Variants in ZNF143 observed in about 807,000 individuals in gnomAD.
ZNF143 encodes SPH-binding factor.
In ZNF143, 49 loss-of-function variants were observed where a neutral mutation model predicts 74.1. That is an observed-to-expected ratio of 0.66 (90% CI 0.53 to 0.84). The LOEUF (loss-of-function observed/expected upper bound fraction) is 0.84, where lower values mean the gene tolerates loss of function less well. ZNF143 is among the 40% of genes least tolerant of loss of function. ZNF143 has a pLI of 0.00. For missense variants in ZNF143, 637 were observed against 793.4 expected (o/e 0.80, Z 2.37); for synonymous variants, 304 against 282.8 (o/e 1.07, Z -0.75).
chr11:9,496,149 A>G (rs1189641071), intron 8 of ZNF143, among the ~76,000 whole-genome samples, 154 bp from the exon 9 acceptor site: 4 of 152,220 alleles, frequency 2.6e-5, no homozygotes, highest in African/African-American at 9.6e-5. Context: ...ATTGAGAACT[A>G]TTGGGCTATC....
At chr11:9,473,464 G>A (rs1344589547) in intron 3 of ZNF143, among the ~76,000 whole-genome samples, 1 of 151,750 alleles carries the variant, frequency 6.6e-6, no homozygotes, top group Admixed American at 6.6e-5. Flanking sequence ...CTTTGCTCCA[G>A]GAAACAGCCA....
At chr11:9,494,605 C>G in intron 7 of ZNF143, 41 bp from the exon 8 acceptor site, 1 of 1,590,094 alleles carries the variant, frequency 6.3e-7, no homozygotes, top group Non-Finnish European at 8.6e-7. Flanking sequence ...GCCACTGTGC[C>G]TGGCTTAAGT....
At chr11:9,479,414 C>G in intron 6 of ZNF143, 58 bp from the exon 7 acceptor site, 1 of 1,422,858 alleles carries the variant, frequency 7.0e-7, no homozygotes, top group Non-Finnish European at 9.6e-7. Flanking sequence ...ATGTACTTAA[C>G]CAGCCTAAAC....
Position 9,474,569 on chromosome 11 carries a change from A to G in ZNF143, c.309A>G (p.Leu103=). The G allele has an allele frequency of 1.2e-6, 2 of 1,614,172 alleles. No individual in the cohort carries two copies. The highest frequency in any genetic ancestry group is 1.7e-6 in the Non-Finnish European group (2 of 1,180,022). ...IPKSTGDSLR[L]EDGQAVQLED... ...CTTGAGCAGGGGACAGTTTGCGTCT[A>G]GAGGATGGTCAAGCAGTACAGTTAG... Residue 103 remains leucine (L), a synonymous_variant, in exon 5 of 16, where the codon CTA becomes CTG. Coordinates refer to ENST00000396602, the MANE Select transcript of ZNF143 (RefSeq NM_003442.6).
intron 1 of ZNF143, 81 bp downstream of exon 1, chr11:9,461,157 C>G (rs1282101549): frequency 9.0e-6 from 8 of 886,302 alleles, no homozygotes; most frequent in African/African-American, 3.6e-5. Flanking sequence ...CGCGGGCCCG[C>G]TTGGGCCCGG....
intron 10 of ZNF143, 41 bp from the exon 11 acceptor site, chr11:9,501,050 T>A: frequency 1.2e-6 from 2 of 1,607,030 alleles, no homozygotes; most frequent in Non-Finnish European, 1.7e-6. Flanking sequence ...ATCCTCTATA[T>A]ATTTTTGCAC....
At chr11:9,508,902 A>G in intron 12 of ZNF143, 56 bp downstream of exon 12, 1 of 1,495,240 alleles carries the variant, frequency 6.7e-7, no homozygotes. Context: ...ACAGTTATGA[A>G]CATAATTTAT....
In ZNF143 at chr11:9,474,751, A is replaced by G. The variant is rs148912839; in HGVS notation, c.373+118A>G. The G allele has an allele frequency of 4.1e-5, 44 of 1,081,456 alleles. No homozygotes were observed. The East Asian group carries it at 4.6e-4, about 11-fold the overall frequency. The allele number at this position is 1,081,456 out of a possible 1,614,324, so 67.0% of individuals were successfully genotyped here. On this transcript the variant is annotated intron_variant, in intron 5 of 15. Coordinates refer to ENST00000396602, the MANE Select transcript of ZNF143 (RefSeq NM_003442.6). ...GGGAAAGAATTGTATTTATTCATTA[A>G]AGTACAAGGTGGCAGATTTAAGCAT...
chr11:9,512,743 G>C, intron 13 of ZNF143, 147 bp downstream of exon 13: 7 of 843,338 alleles, frequency 8.3e-6, no homozygotes, highest in Non-Finnish European at 1.3e-5. Flanking sequence ...TGCTTACAGA[G>C]ACTACGTGCA....
At chr11:9,475,053 GTTTTTTCAT>G (rs1448968799) in intron 5 of ZNF143, among the ~76,000 whole-genome samples, 3 of 151,884 alleles carry the variant, frequency 2.0e-5, no homozygotes, top group Non-Finnish European at 4.4e-5. Context: ...CTCCCAGCTA[GTTTTTTCAT>G]TTTTTGTAGA....
At chr11:9,494,149 C>T (rs928203822) in intron 7 of ZNF143, among the ~76,000 whole-genome samples, 2 of 152,184 alleles carry the variant, frequency 1.3e-5, no homozygotes, top group South Asian at 4.1e-4. Context: ...ACTGTACTTT[C>T]AGAGTCACTG....
At chr11:9,486,771 C>T (rs925381692) in intron 7 of ZNF143, among the ~76,000 whole-genome samples, 1 of 149,352 alleles carries the variant, frequency 6.7e-6, no homozygotes, top group Non-Finnish European at 1.5e-5. Flanking sequence ...CGGGTTCAAG[C>T]GATTCTCCTT....
At position 9,508,696 on chromosome 11, in the gene ZNF143, G is replaced by A. The variant is rs780446791; in HGVS notation, c.1225G>A (p.Val409Ile). The change falls in exon 12 of 16, where the codon GTT becomes ATT. Residue 409 changes from valine to isoleucine, a missense_variant. Val to Ile is a conservative substitution (Grantham distance 29). Coordinates refer to ENST00000396602, the MANE Select transcript of ZNF143 (RefSeq NM_003442.6). Reference protein sequence around the residue: ...TEYSSLYKHHVVHTHSKPYNC... With the variant: ...TEYSSLYKHHIVHTHSKPYNC... ...ATATTCCAGTTTGTACAAACATCAT[G>A]TTGTCCACACTCATTCCAAACCTTA... is the stretch of plus-strand genomic sequence containing the variant. 1.2e-6 allele frequency: 2 copies of A among 1,614,066 alleles called. No individual in the cohort carries two copies. Among genetic ancestry groups the A allele is most frequent in the South Asian group, 2.2e-5 (2 of 91,070 alleles).
chr11:9,463,671 A>G (rs1565016181), intron 1 of ZNF143: 1 of 152,222 alleles, frequency 6.6e-6, no homozygotes, highest in African/African-American at 2.4e-5. Context: ...TGTTCTAGAT[A>G]GAAGTCCCTT....
At position 9,497,627 on chromosome 11, in the gene ZNF143, T is replaced by C. The variant is rs61708669; in HGVS notation, c.842-48T>C. On this transcript the variant is annotated intron_variant, in intron 9 of 15. Transcript: ENST00000396602. ...CAGTAGCTTATTCTCAGTGTGCATG[T>C]TTAGAGCAGTATTGTGTAATTAAAT... The C allele has an allele frequency of 4.1e-3, 5,913 of 1,449,986 alleles. 159 individuals are homozygous for C. In the African/African-American group the frequency reaches 0.067, roughly 16 times the overall value. The allele number at this position is 1,449,986 out of a possible 1,614,324, so 89.8% of individuals were successfully genotyped here.
At chr11:9,508,575 C>T (rs2134153094) in intron 11 of ZNF143, 44 bp from the exon 12 acceptor site, 2 of 1,580,260 alleles carry the variant, frequency 1.3e-6, no homozygotes, top group Non-Finnish European at 1.7e-6. Flanking sequence ...ATGATTTTGC[C>T]TACATATGTA....
chr11:9,469,636 G>A (rs1856456655), intron 1 of ZNF143, among the ~76,000 whole-genome samples: 1 of 152,180 alleles, frequency 6.6e-6, no homozygotes. Flanking sequence ...AACAGTTATA[G>A]ATTATGGATC....
At chr11:9,466,744 A>G (rs56080598) in intron 1 of ZNF143, among the ~76,000 whole-genome samples, 2,752 of 152,022 alleles carry the variant, frequency 0.018, 73 homozygotes, top group African/African-American at 0.061. Context: ...CCCAGCCTGC[A>G]AGGAAAATTT....
At chr11:9,493,071 CTTT>C (rs148050807) in intron 7 of ZNF143, among the ~76,000 whole-genome samples, 2 of 137,326 alleles carry the variant, frequency 1.5e-5, no homozygotes, top group Non-Finnish European at 1.6e-5. Context: ...ATTATGCCTA[CTTT>C]TTTTTTTTTT....
Sources: gnomAD v4.1 joint callset for allele counts (sites outside exome capture counted in the v4.1 genomes callset) on GRCh38, gnomAD v4.1.1 for gene constraint, MANE v1.5 for transcripts, NCBI Gene and HGNC (gene_info 2026-07-23, HGNC 2026-07-21) for gene names.